Variants in FAM13C observed in about 807,000 individuals in gnomAD.
The protein encoded by FAM13C is protein FAM13C.
A neutral mutation model predicts 73.2 loss-of-function variants in FAM13C; 37 were observed. The observed-to-expected ratio is 0.51, with a 90% confidence interval of 0.39 to 0.67. The LOEUF is 0.67. FAM13C is among the 30% of genes least tolerant of loss of function. FAM13C has a pLI of 0.00. For missense variants in FAM13C, 589 were observed against 715.6 expected (o/e 0.82, Z 2.02); for synonymous variants, 246 against 260.9 (o/e 0.94, Z 0.55).
chr10:59,274,495 G>T (rs891231112), intron 6 of FAM13C, among the ~76,000 whole-genome samples: 1 of 152,130 alleles, frequency 6.6e-6, no homozygotes, highest in Admixed American at 6.5e-5. Context: ...GCAGTCTTAT[G>T]TGCCAGTTTC....
In FAM13C at chr10:59,246,649, G is replaced by C; in HGVS notation, c.*965C>G. 2.5e-6 allele frequency: 1 copy of C among 397,584 alleles called. No homozygotes were observed. The highest frequency in any genetic ancestry group is 1.3e-4 in the South Asian group (1 of 7,846). The allele number at this position is 397,584 out of a possible 1,614,324, so 24.6% of individuals were successfully genotyped here. A position where few individuals can be genotyped will look rare whatever the true frequency, so the allele number is the denominator to read the frequency against. On this transcript the variant is annotated 3_prime_UTR_variant, in exon 14 of 14. Coordinates refer to ENST00000618804, the MANE Select transcript of FAM13C (RefSeq NM_198215.4). ...ATAAATATTCTGGCTTCTTTTTCAA[G>C]GTATCAGGGCAAACAATTTCCAAAC...
At chr10:59,354,732 T>C (rs184808985) in intron 2 of FAM13C, among the ~76,000 whole-genome samples, 15 of 152,222 alleles carry the variant, frequency 9.9e-5, no homozygotes, top group African/African-American at 2.9e-4. Context: ...TTCTTTTTGG[T>C]TTCTCTGATG....
In FAM13C at chr10:59,355,821, G is replaced by A. The variant is rs997448075; in HGVS notation, c.119+66C>T. On this transcript the variant is annotated intron_variant, in intron 2 of 13. Coordinates refer to ENST00000618804, the MANE Select transcript of FAM13C (RefSeq NM_198215.4). ...TCAAAGAAGAGACTAGAATTCAAAG[G>A]AAAGCCACCAGACCTAGATGGCTTC... The A allele has an allele frequency of 1.2e-5, 17 of 1,408,436 alleles. No homozygotes were observed. The Admixed American group carries it at 1.9e-4, about 15-fold the overall frequency. 87.2% of individuals were successfully genotyped at this position (1,408,436 alleles called of 1,614,324 possible).
rs183152356 is a variant in FAM13C, at chr10:59,299,385, A to G, written c.507+3416T>C. Among the ~76,000 whole-genome samples the G allele has an allele frequency of 2.0e-3, 304 of 152,214 alleles. 2 individuals are homozygous for G. Among genetic ancestry groups the G allele is most frequent in the Non-Finnish European group, 2.7e-3 (187 of 68,006 alleles). ...AGATTATCATCCCCTTTTGACCCTC[A>G]CTGTTGAGTCTACCAATTTTTTTCT... On this transcript the variant is annotated intron_variant, in intron 5 of 13. Transcript: ENST00000618804.
chr10:59,287,974 T>C (rs1332999282), intron 5 of FAM13C, among the ~76,000 whole-genome samples: 1 of 152,170 alleles, frequency 6.6e-6, no homozygotes, highest in Non-Finnish European at 1.5e-5. Context: ...TAAGTCCCCT[T>C]ACAACTTTAA....
intron 3 of FAM13C, among the ~76,000 whole-genome samples, chr10:59,332,902 A>G (rs1852192534): frequency 6.6e-6 from 1 of 152,182 alleles, no homozygotes; most frequent in East Asian, 1.9e-4. Flanking sequence ...GAAGCAAGTG[A>G]ATTATTTTGG....
In FAM13C at chr10:59,302,864, T is replaced by A. The variant is rs1847761758; in HGVS notation, c.444A>T (p.Arg148Ser). Residue 148 changes from arginine (R) to serine (S), a missense_variant and splice_region_variant, in exon 5 of 14, where the codon AGA becomes AGT. Arg to Ser is a moderately radical substitution (Grantham distance 110, BLOSUM62 -1). Transcript: ENST00000618804. The stretch of plus-strand genomic sequence containing the variant: ...GCGAAATGGCAGTCCTCTGGTCTAT[T>A]CTATAAAATACAAAGAAAAATTATT... ...KCQETVRLQP[R>S]IDQRTAISPK... 2 of 1,612,860 alleles carry A rather than the reference T, an allele frequency of 1.2e-6. No individual in the cohort carries two copies. The highest frequency in any genetic ancestry group is 1.7e-6 in the Non-Finnish European group (2 of 1,179,660).
chr10:59,362,614 C>G, upstream of FAM13C: 1 of 1,460,298 alleles, frequency 6.8e-7, no homozygotes, highest in Non-Finnish European at 9.0e-7. Flanking sequence ...ACGACACCCC[C>G]AGCAGGGGCC....
At chr10:59,340,817 ATT>A (rs1564610136) in intron 3 of FAM13C, among the ~76,000 whole-genome samples, 7 of 151,632 alleles carry the variant, frequency 4.6e-5, no homozygotes, top group African/African-American at 1.5e-4. Context: ...GGTTTTTGCC[ATT>A]ACTTGGCAAA....
chr10:59,355,698 G>A (rs186366870), intron 2 of FAM13C, among the ~76,000 whole-genome samples, 189 bp downstream of exon 2: 3 of 152,282 alleles, frequency 2.0e-5, no homozygotes, highest in African/African-American at 7.2e-5. Flanking sequence ...TGTCCTGATT[G>A]CTAAGAGGGT....
At chr10:59,329,347 T>G (rs996700087) in intron 3 of FAM13C, among the ~76,000 whole-genome samples, 1 of 31,100 alleles carries the variant, frequency 3.2e-5, no homozygotes, top group African/African-American at 5.1e-4. Flanking sequence ...TTCTGGTTTT[T>G]TTTTTTTTTT....
rs183016649 is a variant in FAM13C at position 59,319,541 on chromosome 10, C to T, written c.443+4447G>A. ...AATTCCCCAACTGCATTAATATTCT[C>T]TTACATTCATAAATTTCCCTTTGTC... On this transcript the variant is annotated intron_variant, in intron 4 of 13. Transcript: ENST00000618804. Among the ~76,000 whole-genome samples the T allele has an allele frequency of 9.8e-5, 15 of 152,318 alleles. No homozygotes were observed. In the East Asian group the frequency reaches 2.9e-3, roughly 29 times the overall value.
intron 3 of FAM13C, among the ~76,000 whole-genome samples, chr10:59,342,997 C>G (rs1853707363): frequency 6.6e-6 from 1 of 152,202 alleles, no homozygotes; most frequent in African/African-American, 2.4e-5. Flanking sequence ...CTGACAATAT[C>G]CAGATTGTTA....
At chr10:59,271,373 T>G (rs1843700921) in intron 6 of FAM13C, among the ~76,000 whole-genome samples, 1 of 152,204 alleles carries the variant, frequency 6.6e-6, no homozygotes, top group South Asian at 2.1e-4. Context: ...AAAGGCCTGA[T>G]TAGGTCCTCC....
At chr10:59,323,613 G>C (rs1357155222) in intron 4 of FAM13C, 1 of 246,590 alleles carries the variant, frequency 4.1e-6, no homozygotes, top group Non-Finnish European at 7.9e-6. Context: ...GTAAAAATCA[G>C]TTGCTATGGT....
intron 3 of FAM13C, among the ~76,000 whole-genome samples, chr10:59,327,321 A>G (rs1218310498): frequency 1.3e-5 from 2 of 152,226 alleles, no homozygotes; most frequent in Non-Finnish European, 2.9e-5. Context: ...GCCAGCTGTC[A>G]TTTATTCATA....
chr10:59,351,086 C>T (rs1227450266), intron 3 of FAM13C, among the ~76,000 whole-genome samples: 1 of 151,984 alleles, frequency 6.6e-6, no homozygotes, highest in Admixed American at 6.6e-5. Flanking sequence ...TTTCACAACC[C>T]GAGCACTTTG....
At chr10:59,321,503 G>A (rs1237857344) in intron 4 of FAM13C, among the ~76,000 whole-genome samples, 1 of 127,982 alleles carries the variant, frequency 7.8e-6, no homozygotes, top group Non-Finnish European at 1.6e-5. Flanking sequence ...ACAGAACTAT[G>A]AGATAATAAA....
In FAM13C at chr10:59,247,717, C is replaced by T. The variant is rs2133331141; in HGVS notation, c.1655G>A (p.Arg552Lys). ...ATAATACTCATCTGCCATTGGTATC[C>T]TATCTTCCTTTTGTGGACTTCTGCA... Reference protein sequence around the residue: ...QTGRSPQKEDRIPMADEYYEY... With the variant: ...QTGRSPQKEDKIPMADEYYEY... The change falls in exon 14 of 14, where the codon AGG becomes AAG. Residue 552 changes from arginine to lysine, a missense_variant. Physicochemically the swap from Arg to Lys is conservative, Grantham distance 26. Coordinates refer to ENST00000618804, the MANE Select transcript of FAM13C (RefSeq NM_198215.4). The T allele has an allele frequency of 6.2e-7, 1 of 1,612,078 alleles. No homozygotes were observed. Among genetic ancestry groups the T allele is most frequent in the Non-Finnish European group, 8.5e-7 (1 of 1,179,034 alleles).
Sources: allele counts gnomAD v4.1 joint callset (sites outside exome capture counted in the v4.1 genomes callset), GRCh38; gene constraint gnomAD v4.1.1; transcripts MANE v1.5; gene names NCBI Gene and HGNC (gene_info 2026-07-23, HGNC 2026-07-21).